NFATC1: variants seen among roughly 807,000 people sequenced by gnomAD.
The protein encoded by NFATC1 is nuclear factor of activated T-cells, cytoplasmic 1.
A neutral mutation model predicts 76.0 loss-of-function variants in NFATC1; 22 were observed. That is an observed-to-expected ratio of 0.29 (90% confidence interval 0.21 to 0.41). The LOEUF is 0.41. Ranked by LOEUF, NFATC1 falls within the 10% of genes least tolerant of loss-of-function variation. The pLI, the probability that NFATC1 is intolerant of heterozygous loss-of-function variation, is 1.00. For synonymous variants in NFATC1, 704 were observed against 613.1 expected, an observed-to-expected ratio of 1.15 and a Z score of -2.19; for missense variants, 1,357 against 1,337.7, an observed-to-expected ratio of 1.01 and a Z score of -0.23.
intron 9 of NFATC1, among the ~76,000 whole-genome samples, chr18:79,509,527 G>A (rs972855433): frequency 1.3e-5 from 2 of 152,266 alleles, no homozygotes; most frequent in African/African-American, 2.4e-5. Flanking sequence ...GTGCCATGCC[G>A]TGGGCCTCAC....
intron 9 of NFATC1, among the ~76,000 whole-genome samples, chr18:79,519,064 T>A (rs2090451816): frequency 6.6e-6 from 1 of 152,230 alleles, no homozygotes. Flanking sequence ...CCAGGCTCCC[T>A]TTTGCTAAAC....
rs996950272 is a variant in NFATC1, at chr18:79,524,827, A to G, written c.2783-2701A>G. 6.6e-6 allele frequency among the ~76,000 whole-genome samples: 1 copy of G among 151,960 alleles called. No homozygotes were observed. The highest frequency in any genetic ancestry group is 3.4e-3 in the Middle Eastern group (1 of 294). The stretch of plus-strand genomic sequence containing the variant: ...CTCGTGGGCAGCAAGGGGAAGCCCC[A>G]TGGCCATGCCGCTTCCCTTTCACCC... On this transcript the variant is annotated intron_variant, in intron 9 of 9. Coordinates refer to ENST00000427363, the MANE Select transcript of NFATC1 (RefSeq NM_001278669.2). This position sits in a 1 kb window ranked among gnomAD's most constrained non-coding sequence, Gnocchi z 7.2.
At chr18:79,506,600 C>A (rs945331878) in intron 9 of NFATC1, among the ~76,000 whole-genome samples, 2 of 152,212 alleles carry the variant, frequency 1.3e-5, no homozygotes, top group East Asian at 3.8e-4. Flanking sequence ...AACACACGGT[C>A]CCTGGACCAT....
chr18:79,510,162 C>T (rs1000230581), intron 9 of NFATC1, among the ~76,000 whole-genome samples: 10 of 152,170 alleles, frequency 6.6e-5, no homozygotes, highest in African/African-American at 1.4e-4. Context: ...GACAGGACAG[C>T]GAGCAGGTTC....
At chr18:79,451,234 G>A (rs1021403105) in intron 5 of NFATC1, 108 bp downstream of exon 5, 1 of 1,339,252 alleles carries the variant, frequency 7.5e-7, no homozygotes, top group Non-Finnish European at 1.0e-6. Flanking sequence ...GGACTGAACG[G>A]TTCCCACCAA....
chr18:79,506,470 A>T (rs1163034654), intron 9 of NFATC1, among the ~76,000 whole-genome samples: 1 of 152,086 alleles, frequency 6.6e-6, no homozygotes, highest in African/African-American at 2.4e-5. Context: ...TCTGCCCTCC[A>T]CACAGCCCTT....
intron 9 of NFATC1, among the ~76,000 whole-genome samples, chr18:79,495,747 C>T (rs557656812): frequency 2.0e-5 from 3 of 152,252 alleles, no homozygotes; most frequent in Non-Finnish European, 2.9e-5. Flanking sequence ...GTAGGCAAGC[C>T]GTGAACAGTG....
chr18:79,498,633 C>G (rs376042961), intron 9 of NFATC1, among the ~76,000 whole-genome samples: 1 of 152,270 alleles, frequency 6.6e-6, no homozygotes, highest in East Asian at 1.9e-4. Flanking sequence ...CCCAAACTTC[C>G]TAAATTTGAT....
intron 6 of NFATC1, among the ~76,000 whole-genome samples, chr18:79,453,442 G>A (rs2087558232): frequency 2.0e-5 from 3 of 152,282 alleles, no homozygotes; most frequent in Non-Finnish European, 4.4e-5. Flanking sequence ...AGGGCCAGGA[G>A]CCAAGGGGAT....
intron 7 of NFATC1, among the ~76,000 whole-genome samples, chr18:79,461,676 G>A (rs915128275): frequency 1.2e-4 from 19 of 152,300 alleles, no homozygotes; most frequent in East Asian, 3.9e-4. Context: ...AGGGAAGGTC[G>A]TCTCACACGG....
Position 79,411,132 on chromosome 18 carries a change from C to A in NFATC1, c.857C>A (p.Ser286Tyr). The A allele has an allele frequency of 6.2e-7, 1 of 1,612,354 alleles. No individual in the cohort carries two copies. Among genetic ancestry groups the A allele is most frequent in the Non-Finnish European group, 8.5e-7 (1 of 1,179,782 alleles). Residue 286 changes from serine (S) to tyrosine (Y), a missense_variant, in exon 2 of 10, where the codon TCC (serine) becomes TAC (tyrosine). By Grantham distance (144) the Ser-to-Tyr change is moderately radical (BLOSUM62 -2). Coordinates refer to ENST00000427363, the MANE Select transcript of NFATC1 (RefSeq NM_001278669.2). ...PYSPHHSPTPSPHGSPRVSVT... is the reference protein window; with the variant it reads ...PYSPHHSPTPYPHGSPRVSVT... ...TCACCCCACCACTCGCCCACGCCGT[C>A]CCCGCACGGCTCCCCGCGGGTCAGC...
intron 8 of NFATC1, chr18:79,469,589 C>T: frequency 1.0e-6 from 1 of 985,952 alleles, no homozygotes; most frequent in Non-Finnish European, 1.2e-6. Flanking sequence ...AGCATTGTGC[C>T]CAGCGTGGAC....
intron 6 of NFATC1, among the ~76,000 whole-genome samples, chr18:79,457,144 C>T (rs963041055): frequency 3.3e-5 from 5 of 152,234 alleles, no homozygotes; most frequent in Admixed American, 6.5e-5. Flanking sequence ...CACCACATGG[C>T]GTCTTTGGGA....
intron 8 of NFATC1, among the ~76,000 whole-genome samples, chr18:79,479,757 G>A (rs758705053): frequency 3.9e-5 from 6 of 152,200 alleles, no homozygotes; most frequent in African/African-American, 1.4e-4. Flanking sequence ...GGTGCCTCGC[G>A]CATCCCTGCC....
rs1022025490 is a variant in NFATC1 at position 79,528,765 on chromosome 18, C to T, written c.*1188C>T. On this transcript the variant is annotated 3_prime_UTR_variant, in exon 10 of 10. Transcript: ENST00000427363. ...AACGCCACTTTAATGCTCAGCCCTG[C>T]GTTGTGTGTTTTCAGATGAGTTACT... is the stretch of plus-strand genomic sequence containing the variant. 1 of 152,374 alleles carries T rather than the reference C, an allele frequency of 6.6e-6. No homozygotes were observed. The highest frequency in any genetic ancestry group is 2.1e-4 in the South Asian group (1 of 4,830). The allele number at this position is 152,374 out of a possible 1,614,324, so 9.4% of individuals were successfully genotyped here.
intron 1 of NFATC1, among the ~76,000 whole-genome samples, chr18:79,401,874 C>G (rs2085271730): frequency 6.6e-6 from 1 of 152,214 alleles, no homozygotes; most frequent in Admixed American, 6.5e-5. Flanking sequence ...GAACCCAGGC[C>G]CTACACCCCA....
intron 1 of NFATC1, among the ~76,000 whole-genome samples, chr18:79,408,690 G>A (rs1035460513): frequency 6.6e-6 from 1 of 152,198 alleles, no homozygotes; most frequent in Non-Finnish European, 1.5e-5. Context: ...GTTTACATAT[G>A]TAGGTCCTTA....
intron 2 of NFATC1, among the ~76,000 whole-genome samples, chr18:79,429,220 CAAAA>C (rs397858514): frequency 4.1e-5 from 4 of 96,508 alleles, no homozygotes; most frequent in Admixed American, 1.1e-4. Context: ...GACTCCGTCT[CAAAA>C]AAAAAAAAAA....
intron 9 of NFATC1, among the ~76,000 whole-genome samples, chr18:79,498,624 C>T (rs1237746463): frequency 2.0e-5 from 3 of 152,124 alleles, no homozygotes; most frequent in African/African-American, 7.2e-5. Flanking sequence ...AATAATGGCC[C>T]CAAACTTCCT....
Sources: gnomAD v4.1 joint callset for allele counts (sites outside exome capture counted in the v4.1 genomes callset) on GRCh38, gnomAD v4.1.1 for gene constraint, Gnocchi (gnomAD v3.1) non-coding constraint, MANE v1.5 for transcripts, NCBI Gene and HGNC (gene_info 2026-07-23, HGNC 2026-07-21) for gene names.